The following GSE1 variants were observed in gnomAD, a reference collection of about 807,000 sequenced individuals.
GSE1 encodes the protein Gse1 coiled-coil protein, also known as genetic suppressor element 1.
Under a neutral mutation model 112.6 loss-of-function variants are expected in GSE1, and 32 were observed. The ratio of observed to expected loss-of-function variants is 0.28; its 90% CI spans 0.21 to 0.38. The LOEUF is 0.38. Among genes scored for constraint, GSE1 ranks in the 10% least tolerant of loss-of-function variants. The pLI, the probability that GSE1 is intolerant of heterozygous loss-of-function variation, is 1.00. For synonymous variants in GSE1, 1,115 were observed against 735.6 expected (o/e 1.52, Z -8.35); for missense variants, 2,348 against 1,699.2 (o/e 1.38, Z -6.71).
rs1367707329 is a variant in GSE1, at chr16:85,654,465, G to A, written c.599+15G>A. The A allele has an allele frequency of 7.1e-6, 11 of 1,553,636 alleles. No homozygotes were observed. The highest frequency in any genetic ancestry group is 5.4e-5 in the African/African-American group (4 of 73,412). On this transcript the variant is annotated intron_variant, in intron 4 of 15. Transcript: ENST00000253458. ...CCGCCACTCAAGTAAGTTGGTCGGC[G>A]GGGACTTCGGTGAGGTGGCCAGGTG...
chr16:85,304,603 G>GGGA (rs1555557430), intron 1 of GSE1, among the ~76,000 whole-genome samples: 2 of 126,164 alleles, frequency 1.6e-5, no homozygotes, highest in Non-Finnish European at 1.6e-5. Context: ...GCCGGGGGCG[G>GGGA]GGGGGTGGGG....
intron 1 of GSE1, among the ~76,000 whole-genome samples, chr16:85,181,115 A>C (rs1371382139): frequency 1.3e-5 from 2 of 152,184 alleles, no homozygotes; most frequent in Non-Finnish European, 2.9e-5. Flanking sequence ...CAGCTTCCGC[A>C]GCTGCCCACA....
At chr16:85,622,635 G>C (rs974659263) in intron 1 of GSE1, among the ~76,000 whole-genome samples, 1 of 152,244 alleles carries the variant, frequency 6.6e-6, no homozygotes, top group African/African-American at 2.4e-5. Context: ...CATCTTGAGA[G>C]TGGACCTTTT....
At chr16:85,487,212 C>G (rs1438209103) in intron 2 of GSE1, among the ~76,000 whole-genome samples, 3 of 152,164 alleles carry the variant, frequency 2.0e-5, no homozygotes, top group Non-Finnish European at 4.4e-5. Flanking sequence ...CACTGGGTGT[C>G]ACCTCCTCAC....
At chr16:85,559,184 C>T (rs1598178922) in intron 1 of GSE1, among the ~76,000 whole-genome samples, 3 of 152,180 alleles carry the variant, frequency 2.0e-5, no homozygotes, top group South Asian at 2.1e-4. Flanking sequence ...TGCTCTCAGG[C>T]CCTGTTACAA....
intron 2 of GSE1, among the ~76,000 whole-genome samples, chr16:85,647,288 C>A (rs1020455344): frequency 1.3e-5 from 2 of 152,208 alleles, no homozygotes; most frequent in East Asian, 3.9e-4. Flanking sequence ...GGGCTGCAGC[C>A]ACCCATTCTC....
chr16:85,528,336 GTTTT>G (rs2052427865), intron 2 of GSE1, among the ~76,000 whole-genome samples: 1 of 150,270 alleles, frequency 6.7e-6, no homozygotes, highest in Non-Finnish European at 1.5e-5. Context: ...TTGTTTGTTT[GTTTT>G]GAGTTGGAGT....
At chr16:85,435,416 C>T (rs1175594733) in intron 2 of GSE1, among the ~76,000 whole-genome samples, 2 of 152,048 alleles carry the variant, frequency 1.3e-5, no homozygotes, top group African/African-American at 2.4e-5. Context: ...CTCTAGAGAT[C>T]GAGACCTGCA....
At chr16:85,241,186 C>G (rs1426754465) in intron 1 of GSE1, among the ~76,000 whole-genome samples, 1 of 147,396 alleles carries the variant, frequency 6.8e-6, no homozygotes, top group Non-Finnish European at 1.5e-5. Context: ...ACCTTGGGCT[C>G]GGCTGCGAGA....
chr16:85,668,111 C>A, intron 13 of GSE1, 29 bp from the exon 14 acceptor site: 1 of 1,526,222 alleles, frequency 6.6e-7, no homozygotes, highest in Non-Finnish European at 8.8e-7. Context: ...TCCCCCAACA[C>A]ACTGATGCAA....
chr16:85,504,644 TAAG>T (rs896407281), intron 2 of GSE1, among the ~76,000 whole-genome samples: 4 of 152,170 alleles, frequency 2.6e-5, no homozygotes, highest in African/African-American at 9.7e-5. Flanking sequence ...TAAACACAAA[TAAG>T]AAATTTAAGG....
At chr16:85,218,476 T>C (rs1049179239) in intron 1 of GSE1, among the ~76,000 whole-genome samples, 2 of 152,228 alleles carry the variant, frequency 1.3e-5, no homozygotes, top group African/African-American at 4.8e-5. Context: ...CCAGGCACAC[T>C]TCTGGGGCTG....
At chr16:85,516,317 G>A (rs148621195) in intron 2 of GSE1, among the ~76,000 whole-genome samples, 22 of 152,124 alleles carry the variant, frequency 1.4e-4, no homozygotes, top group African/African-American at 4.6e-4. Flanking sequence ...AGACAGAGCC[G>A]GCACCCACTC....
In GSE1 at chr16:85,657,579, G is replaced by C; in HGVS notation, c.1615G>C (p.Glu539Gln). Residue 539 changes from glutamate (E) to glutamine (Q), a missense_variant, in exon 8 of 16, where the codon GAG (glutamate) becomes CAG (glutamine). By Grantham distance (29) the Glu-to-Gln change is conservative. Transcript: ENST00000253458. The stretch of plus-strand genomic sequence containing the variant: ...CCGGCCCCCGGTGCCGGCGGAGGCA[G>C]AGCACAGGCCGGAGAGCACCACCAG... ...MGRPPVPAEA[E>Q]HRPESTTRPG... 1 of 1,563,396 alleles carries C rather than the reference G, an allele frequency of 6.4e-7. No homozygotes were observed. The highest frequency in any genetic ancestry group is 8.7e-7 in the Non-Finnish European group (1 of 1,154,986).
chr16:85,357,398 C>G (rs1013493765), intron 1 of GSE1: 8 of 1,009,418 alleles, frequency 7.9e-6, no homozygotes, highest in African/African-American at 3.4e-5. Context: ...GCCAGAGAGT[C>G]CATTCATGCA....
At chr16:85,436,119 G>A (rs2049240789) in intron 2 of GSE1, among the ~76,000 whole-genome samples, 1 of 152,170 alleles carries the variant, frequency 6.6e-6, no homozygotes, top group Non-Finnish European at 1.5e-5. Context: ...TTAGGAGTCA[G>A]GGGTCACTGA....
intron 1 of GSE1, among the ~76,000 whole-genome samples, 200 bp from the exon 2 acceptor site, chr16:85,633,714 G>A (rs925571511): frequency 7.9e-5 from 12 of 152,154 alleles, no homozygotes; most frequent in African/African-American, 2.7e-4. Flanking sequence ...GGTCTGTGCC[G>A]GGTTCCAGCT....
chr16:85,268,051 G>C (rs1468845816), intron 1 of GSE1, among the ~76,000 whole-genome samples: 1 of 152,168 alleles, frequency 6.6e-6, no homozygotes, highest in African/African-American at 2.4e-5. Context: ...AGGCTGCCAG[G>C]CTTTGTCACG....
chr16:85,512,227 C>A (rs375586559), intron 2 of GSE1, among the ~76,000 whole-genome samples: 1 of 152,184 alleles, frequency 6.6e-6, no homozygotes, highest in East Asian at 1.9e-4. Context: ...GCCCCCTCAA[C>A]GCCAAGCCTG....
Sources: allele counts gnomAD v4.1 joint callset (sites outside exome capture counted in the v4.1 genomes callset), GRCh38; gene constraint gnomAD v4.1.1; transcripts MANE v1.5; gene names NCBI Gene and HGNC (gene_info 2026-07-23, HGNC 2026-07-21).